Variants in EPHA5 observed in about 807,000 individuals in gnomAD.
The protein encoded by EPHA5 is ephrin type-A receptor 5.
Under a neutral mutation model 105.0 loss-of-function variants are expected in EPHA5, and 60 were observed. The ratio of observed to expected loss-of-function variants is 0.57; its 90% CI spans 0.46 to 0.71. The LOEUF is 0.71. Among genes scored for constraint, EPHA5 ranks in the 30% least tolerant of loss-of-function variants. The pLI, the probability that EPHA5 is intolerant of heterozygous loss-of-function variation, is 0.00. For missense variants in EPHA5, 1,218 were observed against 1,274.7 expected (o/e 0.96, Z 0.68); for synonymous variants, 513 against 449.1 (o/e 1.14, Z -1.80).
rs775380004 is a variant in EPHA5 at position 65,335,942 on chromosome 4, C to A, written c.2779G>T (p.Ala927Ser). 3 of 1,609,628 alleles carry A rather than the reference C, an allele frequency of 1.9e-6. No homozygotes were observed. The highest frequency in any genetic ancestry group is 2.5e-6 in the Non-Finnish European group (3 of 1,177,576). Residue 927 changes from alanine (A) to serine (S), a missense_variant, in exon 15 of 17, where the codon GCA becomes TCA. Ala to Ser is a moderately conservative substitution (Grantham distance 99). This residue lies in a region of EPHA5 where 971 missense variants were observed against 1,013.5 expected (regional missense o/e 0.96). Transcript: ENST00000613740. ...GATCTGGCCTTGTACCTGCAGGATG[C>A]ATTAACCAGCGTCTTCAGACTACTT... The part of the protein sequence containing the change: ...NPSSLKTLVN[A>S]SCRVSNLLAE...
intron 9 of EPHA5, 57 bp from the exon 10 acceptor site, chr4:65,366,114 T>C: frequency 6.7e-7 from 1 of 1,491,098 alleles, no homozygotes; most frequent in East Asian, 2.3e-5. Flanking sequence ...AGCAAAATTA[T>C]GAACTTTATT....
At position 65,490,399 on chromosome 4, in the gene EPHA5, T is replaced by A. The variant is rs767650089; in HGVS notation, c.1380A>T (p.Val460=). 7 of 1,614,040 alleles carry A rather than the reference T, an allele frequency of 4.3e-6. No individual in the cohort carries two copies. Among genetic ancestry groups the A allele is most frequent in the Non-Finnish European group, 3.4e-6 (4 of 1,179,930 alleles). The part of the protein sequence containing the change: ...LSPGARQYVS[V]NVTTNQAAPS... ...TACCTGCTTGATTTGTGGTTACATT[T>A]ACAGACACATACTGCCGGGCTCCTG... is the stretch of plus-strand genomic sequence containing the variant. Residue 460 remains valine (V), a synonymous_variant, in exon 5 of 17, where the codon GTA becomes GTT. Coordinates refer to ENST00000613740, the MANE Select transcript of EPHA5 (RefSeq NM_001281766.3).
chr4:65,660,023 A>C (rs1376917470), intron 1 of EPHA5, among the ~76,000 whole-genome samples: 6 of 152,096 alleles, frequency 3.9e-5, no homozygotes, highest in Non-Finnish European at 8.8e-5. Context: ...TGCCCTTTTA[A>C]TGAATTTCTA....
chr4:65,461,173 T>A (rs943844398), intron 5 of EPHA5, among the ~76,000 whole-genome samples: 2 of 151,962 alleles, frequency 1.3e-5, no homozygotes, highest in Admixed American at 1.3e-4. Flanking sequence ...ATTGTAAATG[T>A]ACACCTAGCA....
intron 4 of EPHA5, among the ~76,000 whole-genome samples, chr4:65,493,090 A>C (rs1731577964): frequency 6.6e-6 from 1 of 151,624 alleles, no homozygotes; most frequent in Non-Finnish European, 1.5e-5. Flanking sequence ...TTTTCTTCTG[A>C]CTCTTCTACT....
chr4:65,379,832 C>T (rs989817611), intron 8 of EPHA5, among the ~76,000 whole-genome samples: 3 of 151,584 alleles, frequency 2.0e-5, no homozygotes, highest in South Asian at 2.1e-4. Context: ...CCACGAAATA[C>T]GTTTTCTAAG....
intron 5 of EPHA5, among the ~76,000 whole-genome samples, chr4:65,480,409 A>G (rs924012553): frequency 2.0e-5 from 3 of 152,202 alleles, no homozygotes; most frequent in African/African-American, 7.2e-5. Context: ...CTCCTCGCAT[A>G]AAGGTATATG....
At chr4:65,375,289 A>T (rs529663495) in intron 8 of EPHA5, among the ~76,000 whole-genome samples, 55 of 149,996 alleles carry the variant, frequency 3.7e-4, no homozygotes, top group African/African-American at 1.3e-3. Flanking sequence ...AATCTTTTTT[A>T]TTTTTTTTTC....
intron 3 of EPHA5, among the ~76,000 whole-genome samples, chr4:65,517,624 T>C (rs1262185056): frequency 6.6e-6 from 1 of 151,932 alleles, no homozygotes; most frequent in Admixed American, 6.6e-5. Context: ...CATTGTGGAA[T>C]ACTGAATAAT....
intron 13 of EPHA5, among the ~76,000 whole-genome samples, chr4:65,351,114 A>G (rs2148852785): frequency 6.6e-6 from 1 of 152,010 alleles, no homozygotes. Context: ...TTATTCTTAC[A>G]TGCTGTATCC....
chr4:65,485,158 A>G (rs1316878151), intron 5 of EPHA5, among the ~76,000 whole-genome samples: 1 of 151,858 alleles, frequency 6.6e-6, no homozygotes, highest in Non-Finnish European at 1.5e-5. Context: ...CACTATTTGC[A>G]TATCTACTAT....
At chr4:65,542,677 T>C (rs1736958104) in intron 3 of EPHA5, among the ~76,000 whole-genome samples, 5 of 151,878 alleles carry the variant, frequency 3.3e-5, no homozygotes, top group African/African-American at 1.2e-4. Flanking sequence ...TCAAAAACTA[T>C]TGCAAACAAT....
In EPHA5 at chr4:65,531,290, G is replaced by C. The variant is rs373969062; in HGVS notation, c.911-35747C>G. The stretch of plus-strand genomic sequence containing the variant: ...CTGACCTCATGATCCACCCGCCTCG[G>C]CCTCCCAAAGTGCTGGGATTACAGG... On this transcript the variant is annotated intron_variant, in intron 3 of 16. Coordinates refer to ENST00000613740, the MANE Select transcript of EPHA5 (RefSeq NM_001281766.3). Among the ~76,000 whole-genome samples the C allele has an allele frequency of 1.2e-4, 18 of 152,016 alleles. No individual in the cohort carries two copies. In the East Asian group the frequency reaches 2.1e-3, roughly 18 times the overall value.
chr4:65,481,249 T>C (rs564071313), intron 5 of EPHA5, among the ~76,000 whole-genome samples: 25 of 152,330 alleles, frequency 1.6e-4, no homozygotes, highest in South Asian at 6.2e-4. Context: ...TTGTCTCTTA[T>C]AGTGGAAAGG....
chr4:65,551,941 A>G (rs1737960300), intron 3 of EPHA5, among the ~76,000 whole-genome samples: 1 of 152,166 alleles, frequency 6.6e-6, no homozygotes, highest in Non-Finnish European at 1.5e-5. Context: ...ATATTTTGGT[A>G]ATTTTTTTCC....
intron 3 of EPHA5, among the ~76,000 whole-genome samples, chr4:65,580,036 G>A (rs1169582161): frequency 2.6e-5 from 4 of 151,824 alleles, no homozygotes; most frequent in Admixed American, 2.6e-4. Context: ...ACAACAGAGT[G>A]CTGAGCCTGC....
In EPHA5 at chr4:65,533,024, T is replaced by G. The variant is rs556955307; in HGVS notation, c.911-37481A>C. 2.0e-5 allele frequency among the ~76,000 whole-genome samples: 3 copies of G among 152,274 alleles called. No homozygotes were observed. In the South Asian group the frequency reaches 6.2e-4, roughly 32 times the overall value. On this transcript the variant is annotated intron_variant, in intron 3 of 16. Coordinates refer to ENST00000613740, the MANE Select transcript of EPHA5 (RefSeq NM_001281766.3). The stretch of plus-strand genomic sequence containing the variant: ...CAGTGCATTTTGACTCTTCCTTGTC[T>G]GTGGCACACACTCAGTCAAACTTTC...
At chr4:65,593,650 A>G (rs567567327) in intron 3 of EPHA5, among the ~76,000 whole-genome samples, 1 of 152,330 alleles carries the variant, frequency 6.6e-6, no homozygotes, top group African/African-American at 2.4e-5. Flanking sequence ...TGAACACTTT[A>G]CAGGTGAAGA....
At chr4:65,354,850 G>A (rs571996038) in intron 11 of EPHA5, among the ~76,000 whole-genome samples, 3 of 151,828 alleles carry the variant, frequency 2.0e-5, no homozygotes, top group South Asian at 4.1e-4. Context: ...GGACAAGTAA[G>A]TCTAATTCTC....
Sources: gnomAD v4.1 joint callset for allele counts (sites outside exome capture counted in the v4.1 genomes callset) on GRCh38, gnomAD v4.1.1 for gene constraint, gnomAD v4.1.1 regional missense constraint, MANE v1.5 for transcripts, NCBI Gene and HGNC (gene_info 2026-07-23, HGNC 2026-07-21) for gene names.